The following PRR14L variants were observed in gnomAD, a reference collection of about 807,000 sequenced individuals.
PRR14L encodes the protein proline rich 14 like, also known as protein PRR14L.
Under a neutral mutation model 155.0 loss-of-function variants are expected in PRR14L, and 80 were observed. That is an observed-to-expected ratio of 0.52 (90% CI 0.43 to 0.62). PRR14L has a LOEUF of 0.62. Ranked by LOEUF, PRR14L falls within the 20% of genes least tolerant of loss-of-function variation. The pLI is 0.00. For missense variants in PRR14L, 2,469 were observed against 2,548.0 expected, an observed-to-expected ratio of 0.97 and a Z score of 0.67; for synonymous variants, 883 against 916.0, an observed-to-expected ratio of 0.96 and a Z score of 0.65.
chr22:31,740,956 A>G (rs1403361843), intron 1 of PRR14L, among the ~76,000 whole-genome samples: 2 of 151,910 alleles, frequency 1.3e-5, no homozygotes, highest in African/African-American at 4.8e-5. Flanking sequence ...AGCCTAGTCA[A>G]TATGGTGAAA....
At chr22:31,707,758 A>G (rs570101407) in intron 4 of PRR14L, among the ~76,000 whole-genome samples, 1 of 152,234 alleles carries the variant, frequency 6.6e-6, no homozygotes, top group African/African-American at 2.4e-5. Flanking sequence ...AGGCATATCA[A>G]CAAAGTAGAC....
Position 31,713,381 on chromosome 22 carries a change from A to T in PRR14L, c.4458T>A (p.Pro1486=). ...CTTTCCGAGGGGCACCAAGAAGGCA[A>T]GGACTTGTGCATGACTCAGTGTCCT... ...LRKDTESCTS[P]CLLGAPRKAQ... The change falls in exon 4 of 9, where the codon CCT becomes CCA. Residue 1486 remains proline, a synonymous_variant. Coordinates refer to ENST00000327423, the MANE Select transcript of PRR14L (RefSeq NM_173566.3). 1 of 1,552,028 alleles carries T rather than the reference A, an allele frequency of 6.4e-7. No individual in the cohort carries two copies. Among genetic ancestry groups the T allele is most frequent in the Non-Finnish European group, 8.7e-7 (1 of 1,147,066 alleles).
chr22:31,711,472 AAAAT>A (rs765059731), intron 4 of PRR14L, among the ~76,000 whole-genome samples: 15 of 152,042 alleles, frequency 9.9e-5, no homozygotes, highest in South Asian at 4.2e-4. Context: ...ACTGTTTCAA[AAAAT>A]AAATAAATAA....
intron 7 of PRR14L, among the ~76,000 whole-genome samples, chr22:31,698,057 A>ATT (rs747410499): frequency 1.0e-5 from 1 of 99,998 alleles, no homozygotes; most frequent in Admixed American, 1.2e-4. Flanking sequence ...AGATGTTGTA[A>ATT]TTCTTTTTTT....
chr22:31,688,759 C>T (rs1012623365), intron 7 of PRR14L, among the ~76,000 whole-genome samples: 7 of 151,650 alleles, frequency 4.6e-5, no homozygotes, highest in African/African-American at 1.7e-4. Flanking sequence ...TTTCTATCTC[C>T]CTCCACTGAC....
At chr22:31,692,511 A>G (rs2074516551) in intron 7 of PRR14L, among the ~76,000 whole-genome samples, 2 of 152,202 alleles carry the variant, frequency 1.3e-5, no homozygotes, top group South Asian at 4.1e-4. Context: ...TTTAAAAAAT[A>G]TGGGTTATTG....
chr22:31,741,784 A>C (rs1437247258), intron 1 of PRR14L, among the ~76,000 whole-genome samples: 1 of 151,926 alleles, frequency 6.6e-6, no homozygotes, highest in Non-Finnish European at 1.5e-5. Flanking sequence ...AGGCAGAAGA[A>C]TTGCTTGAAC....
At chr22:31,720,592 G>A (rs1407905418) in intron 3 of PRR14L, among the ~76,000 whole-genome samples, 3 of 152,070 alleles carry the variant, frequency 2.0e-5, no homozygotes, top group Admixed American at 6.6e-5. Context: ...AAAATCAGCC[G>A]TGCACGGTGG....
At chr22:31,747,274 C>T (rs1029878499) in intron 1 of PRR14L, among the ~76,000 whole-genome samples, 1 of 150,976 alleles carries the variant, frequency 6.6e-6, no homozygotes, top group South Asian at 2.1e-4. Flanking sequence ...CCATGCCCAC[C>T]TAATTTGTTT....
chr22:31,743,128 C>T (rs2074821079), intron 1 of PRR14L, among the ~76,000 whole-genome samples: 1 of 152,098 alleles, frequency 6.6e-6, no homozygotes, highest in Non-Finnish European at 1.5e-5. Flanking sequence ...CGGTGACACC[C>T]CGTCTCTACT....
chr22:31,741,500 C>T (rs546006641), intron 1 of PRR14L, among the ~76,000 whole-genome samples: 1 of 152,010 alleles, frequency 6.6e-6, no homozygotes, highest in Non-Finnish European at 1.5e-5. Context: ...CAAAACAAAA[C>T]ATTACCAAGA....
chr22:31,733,790 T>C (rs1231950023), intron 2 of PRR14L, among the ~76,000 whole-genome samples: 1 of 152,150 alleles, frequency 6.6e-6, no homozygotes, highest in Non-Finnish European at 1.5e-5. Context: ...TTCACCCATC[T>C]GATAGTCAAA....
rs759157984 is a variant in PRR14L at position 31,696,146 on chromosome 22, A to AT, written c.6107+5509dup. ...TTTCTATTTTTTCTTTATTATTATA[A>AT]TTTTTTTTTTTTTTAGATGGGGTCT... is the stretch of plus-strand genomic sequence containing the variant. On this transcript the variant is annotated intron_variant, in intron 7 of 8. Transcript: ENST00000327423. 1.2e-3 allele frequency among the ~76,000 whole-genome samples: 161 copies of AT among 136,982 alleles called. 1 individual carries two copies. The highest frequency in any genetic ancestry group is 7.7e-3 in the South Asian group (31 of 4,038). The allele number at this position is 136,982 out of a possible 152,430, so 89.9% of individuals were successfully genotyped here. A position where few individuals can be genotyped will look rare whatever the true frequency, so the allele number is the denominator to read the frequency against.
chr22:31,712,959 G>A lies in PRR14L; in HGVS notation c.4880C>T (p.Ala1627Val). 2 of 1,551,802 alleles carry A rather than the reference G, an allele frequency of 1.3e-6. No individual in the cohort carries two copies. The highest frequency in any genetic ancestry group is 1.4e-5 in the African/African-American group (1 of 73,154). The change falls in exon 4 of 9, where the codon GCC (alanine) becomes GTC (valine). Residue 1627 changes from alanine (A) to valine (V), a missense_variant. Physicochemically the swap from Ala to Val is moderately conservative, Grantham distance 64 (BLOSUM62 0). Around this residue, in one of 2 missense-constraint regions of PRR14L, gnomAD observed 2,363 missense variants for 2,371.6 expected, o/e 1.00. Transcript: ENST00000327423. The stretch of plus-strand genomic sequence containing the variant: ...TAGCTTCTGAGTCTTCATGGCTGGG[G>A]CCAGTTTGGAGGCAAGGATGGACAG... Reference protein sequence around the residue: ...NKLSILASKLAPAMKTQKLRY... With the variant: ...NKLSILASKLVPAMKTQKLRY...
intron 3 of PRR14L, among the ~76,000 whole-genome samples, chr22:31,720,155 G>A (rs1185943185): frequency 1.3e-5 from 2 of 152,142 alleles, no homozygotes; most frequent in Non-Finnish European, 2.9e-5. Context: ...TGTCATGTGG[G>A]ACAGTGCCTG....
chr22:31,717,326 G>A (rs924758646), intron 3 of PRR14L, 35 bp from the exon 4 acceptor site: 7 of 1,467,538 alleles, frequency 4.8e-6, no homozygotes, highest in East Asian at 2.5e-5. Flanking sequence ...TTAATATGCA[G>A]TAATAAAAAA....
At chr22:31,725,093 C>A (rs2074709393) in intron 3 of PRR14L, among the ~76,000 whole-genome samples, 1 of 152,118 alleles carries the variant, frequency 6.6e-6, no homozygotes, top group African/African-American at 2.4e-5. Context: ...AAAGGTTCAA[C>A]ACACTCAAAA....
In PRR14L at chr22:31,714,342, T is replaced by C. The variant is rs1450425555; in HGVS notation, c.3497A>G (p.Lys1166Arg). The change falls in exon 4 of 9, where the codon AAA (lysine) becomes AGA (arginine). Residue 1166 changes from lysine to arginine, a missense_variant. Lys to Arg is a conservative substitution (Grantham distance 26, BLOSUM62 2). Transcript: ENST00000327423. ...MESVADHEPN[K>R]RILGRVNLSL... ...CAAATTTACTCTGCCCAATATTCTT[T>C]TATTTGGTTCATGATCTGCAACAGA... 6.4e-7 allele frequency: 1 copy of C among 1,551,708 alleles called. No homozygotes were observed. The highest frequency in any genetic ancestry group is 2.0e-5 in the Admixed American group (1 of 51,000).
At chr22:31,700,074 G>A (rs1043469641) in intron 7 of PRR14L, among the ~76,000 whole-genome samples, 3 of 152,118 alleles carry the variant, frequency 2.0e-5, no homozygotes, top group African/African-American at 7.2e-5. Context: ...CACTGAGACA[G>A]TAACTGCCAC....
Sources: gnomAD v4.1 joint callset for allele counts (sites outside exome capture counted in the v4.1 genomes callset) on GRCh38, gnomAD v4.1.1 for gene constraint, gnomAD v4.1.1 regional missense constraint, MANE v1.5 for transcripts, NCBI Gene and HGNC (gene_info 2026-07-23, HGNC 2026-07-21) for gene names.